SEMA3A: variants seen among roughly 807,000 people sequenced by gnomAD.
SEMA3A encodes semaphorin-3A.
Under a neutral mutation model 97.9 loss-of-function variants are expected in SEMA3A, and 29 were observed. The ratio of observed to expected loss-of-function variants is 0.30; its 90% confidence interval spans 0.22 to 0.40. The LOEUF (loss-of-function observed/expected upper bound fraction) is 0.40. Ranked by LOEUF, SEMA3A falls within the 10% of genes least tolerant of loss-of-function variation. The probability of loss-of-function intolerance (pLI) is 1.00; values close to 1 mark genes in which losing one functional copy is unlikely to be tolerated. For synonymous variants in SEMA3A, 321 were observed against 323.7 expected (o/e 0.99, Z 0.09); for missense variants, 763 against 951.3 (o/e 0.80, Z 2.60).
At position 84,060,067 on chromosome 7, in the gene SEMA3A, G is replaced by A. The variant is rs147985385; in HGVS notation, c.547+398C>T. Reference sequence around the variant, plus strand: ...TAGAGGACGTCACATCAAATATTTTGTTAGATTTTCCAAAAAAGAAGAGCT... The same window carrying A: ...TAGAGGACGTCACATCAAATATTTTATTAGATTTTCCAAAAAAGAAGAGCT... On this transcript the variant is annotated intron_variant, in intron 5 of 16. Coordinates refer to ENST00000265362, the MANE Select transcript of SEMA3A (RefSeq NM_006080.3). Among the ~76,000 whole-genome samples, 184 of 152,212 alleles carry A rather than the reference G, an allele frequency of 1.2e-3. 1 individual carries two copies. The highest frequency in any genetic ancestry group is 2.3e-3 in the Non-Finnish European group (153 of 67,986).
At chr7:84,006,037 C>T (rs1479293842) in intron 10 of SEMA3A, among the ~76,000 whole-genome samples, 1 of 152,090 alleles carries the variant, frequency 6.6e-6, no homozygotes, top group Non-Finnish European at 1.5e-5. Context: ...AGTTATGTCA[C>T]TAATTCTTAG....
At chr7:84,077,074 T>C (rs1212533575) in intron 4 of SEMA3A, among the ~76,000 whole-genome samples, 2 of 152,128 alleles carry the variant, frequency 1.3e-5, no homozygotes, top group Non-Finnish European at 2.9e-5. Flanking sequence ...TCCCAAGATG[T>C]ATAACAATGA....
intron 3 of SEMA3A, among the ~76,000 whole-genome samples, chr7:84,256,279 T>C (rs1050659290): frequency 2.6e-5 from 4 of 152,092 alleles, no homozygotes; most frequent in Admixed American, 6.6e-5. Flanking sequence ...ATATATCCTA[T>C]GATACTTAAA....
upstream of SEMA3A, among the ~76,000 whole-genome samples, chr7:84,199,455 C>T (rs926258641): frequency 6.6e-6 from 1 of 151,968 alleles, no homozygotes; most frequent in Non-Finnish European, 1.5e-5. Context: ...AGAAATAACA[C>T]CAAAGAGGAA....
Position 84,220,927 on chromosome 7 carries a change from A to T in SEMA3A, c.-82-26259T>A, listed in dbSNP as rs80208025. ...CAGCTATATTAGCTTCTAACAAGAG[A>T]GTTGGTCTGTGCTTTCAAATGTTGA... On this transcript the variant is annotated intron_variant, in intron 3 of 3. Transcript: ENST00000424555. Among the ~76,000 whole-genome samples, 1,944 of 152,158 alleles carry T rather than the reference A, an allele frequency of 0.013. 64 individuals carry two copies. The East Asian group carries it at 0.15, about 11-fold the overall frequency.
At chr7:84,453,296 C>T (rs1299307035) in intron 1 of SEMA3A, among the ~76,000 whole-genome samples, 2 of 146,914 alleles carry the variant, frequency 1.4e-5, no homozygotes, top group Non-Finnish European at 3.0e-5. Flanking sequence ...AGTGCAGTGG[C>T]GCAATCTCGG....
At chr7:84,146,530 T>C (rs1584035422) in intron 1 of SEMA3A, among the ~76,000 whole-genome samples, 1 of 152,266 alleles carries the variant, frequency 6.6e-6, no homozygotes, top group East Asian at 1.9e-4. Context: ...AAAATAAAAG[T>C]TGCAAACAAT....
intron 2 of SEMA3A, among the ~76,000 whole-genome samples, chr7:84,350,992 C>T (rs191872454): frequency 1.6e-3 from 245 of 151,720 alleles, no homozygotes; most frequent in African/African-American, 5.6e-3. Context: ...ATTTTCAAGA[C>T]AGACTATTAA....
At chr7:84,404,134 T>TA (rs1270432540) in intron 1 of SEMA3A, among the ~76,000 whole-genome samples, 3 of 152,026 alleles carry the variant, frequency 2.0e-5, no homozygotes, top group Admixed American at 2.0e-4. Context: ...GCAAAGAAGT[T>TA]AAAAACTTTG....
chr7:84,116,402 C>T (rs760651684), intron 3 of SEMA3A, among the ~76,000 whole-genome samples: 22 of 151,770 alleles, frequency 1.4e-4, no homozygotes, highest in Admixed American at 2.6e-4. Flanking sequence ...GTAGAACATT[C>T]GGAAAGAAAG....
chr7:84,155,553 T>G (rs1796821193), intron 1 of SEMA3A, among the ~76,000 whole-genome samples: 1 of 152,152 alleles, frequency 6.6e-6, no homozygotes. Context: ...TTGCCAAACA[T>G]TGCCTTAAGT....
chr7:84,067,341 C>A (rs987195114), intron 4 of SEMA3A, among the ~76,000 whole-genome samples: 9 of 152,254 alleles, frequency 5.9e-5, no homozygotes, highest in African/African-American at 2.2e-4. Context: ...CTAGGCATTA[C>A]CATTCAGGAC....
At chr7:84,418,095 G>A (rs1337974664) in intron 1 of SEMA3A, among the ~76,000 whole-genome samples, 1 of 152,030 alleles carries the variant, frequency 6.6e-6, no homozygotes, top group Non-Finnish European at 1.5e-5. Context: ...TGTCTGTGAG[G>A]GTGTTGCCAG....
intron 9 of SEMA3A, 134 bp from the exon 10 acceptor site, chr7:84,007,631 G>T: frequency 1.3e-6 from 1 of 785,102 alleles, no homozygotes; most frequent in Admixed American, 4.1e-5. Flanking sequence ...TAATGTTTGG[G>T]ATTTTTCTAG....
At chr7:84,131,999 G>C (rs377249595) in intron 2 of SEMA3A, among the ~76,000 whole-genome samples, 1 of 151,862 alleles carries the variant, frequency 6.6e-6, no homozygotes, top group Non-Finnish European at 1.5e-5. Flanking sequence ...ATTTTGTAGC[G>C]ACAGGGTTTC....
chr7:84,434,129 G>T (rs568536068), intron 1 of SEMA3A, among the ~76,000 whole-genome samples: 4 of 152,202 alleles, frequency 2.6e-5, no homozygotes, highest in African/African-American at 7.2e-5. Context: ...ACTACTGTAA[G>T]GTGGTATCTT....
intron 1 of SEMA3A, among the ~76,000 whole-genome samples, chr7:84,391,218 T>G (rs1803565245): frequency 6.6e-6 from 1 of 152,168 alleles, no homozygotes; most frequent in South Asian, 2.1e-4. Context: ...TGCCTACATA[T>G]CCTAGCTTAA....
At chr7:84,301,955 T>C (rs1801028593) in intron 3 of SEMA3A, among the ~76,000 whole-genome samples, 1 of 152,082 alleles carries the variant, frequency 6.6e-6, no homozygotes, top group Non-Finnish European at 1.5e-5. Flanking sequence ...AAAACACATA[T>C]TCATACAAAG....
intron 4 of SEMA3A, among the ~76,000 whole-genome samples, chr7:84,062,837 G>T (rs9690948): frequency 4.0e-5 from 6 of 149,164 alleles, no homozygotes; most frequent in East Asian, 2.1e-4. Context: ...GCAGCGAGGC[G>T]GGGGGAGGGG....
Sources: allele counts gnomAD v4.1 joint callset (sites outside exome capture counted in the v4.1 genomes callset), GRCh38; gene constraint gnomAD v4.1.1; transcripts MANE v1.5; gene names NCBI Gene and HGNC (gene_info 2026-07-23, HGNC 2026-07-21).